Variants in WWOX observed in about 807,000 individuals in gnomAD.
The protein encoded by WWOX is WW domain containing oxidoreductase, also known as WW domain-containing oxidoreductase.
WWOX carries 69 observed loss-of-function variants against 46.2 expected under a neutral mutation model. That is an observed-to-expected ratio of 1.49 (90% CI 1.23 to 1.82). WWOX has a LOEUF of 1.82. Ranked by LOEUF, WWOX falls within the 40% of genes most tolerant of loss-of-function variation. The probability of loss-of-function intolerance (pLI) is 0.00; values close to 1 mark genes in which losing one functional copy is unlikely to be tolerated. For missense variants in WWOX, 919 were observed against 542.6 expected (o/e 1.69, Z -6.89); for synonymous variants, 359 against 202.6 (o/e 1.77, Z -6.56).
intron 5 of WWOX, among the ~76,000 whole-genome samples, chr16:78,355,997 CT>C (rs1430105265): frequency 6.9e-6 from 1 of 144,814 alleles, no homozygotes; most frequent in Non-Finnish European, 1.5e-5. Flanking sequence ...TAATTCACAA[CT>C]TCTTAAGCTA....
chr16:78,104,714 C>A (rs552048834), intron 1 of WWOX, among the ~76,000 whole-genome samples: 45 of 152,192 alleles, frequency 3.0e-4, no homozygotes, highest in African/African-American at 1.1e-3. Context: ...CTAATTTTCT[C>A]TTCATTAAAA....
At chr16:78,766,692 G>C (rs1273463798) in intron 8 of WWOX, among the ~76,000 whole-genome samples, 2 of 152,168 alleles carry the variant, frequency 1.3e-5, no homozygotes, top group African/African-American at 4.8e-5. Flanking sequence ...AGACTTGTTT[G>C]AAAAAAGGGC....
chr16:78,761,948 A>C (rs906197537), intron 8 of WWOX, among the ~76,000 whole-genome samples: 3 of 152,172 alleles, frequency 2.0e-5, no homozygotes, highest in Non-Finnish European at 4.4e-5. Flanking sequence ...TACATAAGAC[A>C]AAGACCACCT....
At position 78,162,015 on chromosome 16, in the gene WWOX, C is replaced by G. The variant is rs147864100; in HGVS notation, c.410-2168C>G. 2.6e-3 allele frequency among the ~76,000 whole-genome samples: 391 copies of G among 152,194 alleles called. 1 individual carries two copies. The highest frequency in any genetic ancestry group is 9.1e-3 in the African/African-American group (378 of 41,530). On this transcript the variant is annotated intron_variant, in intron 4 of 8. Transcript: ENST00000566780. ...ATTTGGATCTTAACATGTCGTTACC[C>G]TTTATGTTGCTCTTTGTTACTTTCT...
chr16:78,643,826 CA>C (rs5818156), intron 8 of WWOX, among the ~76,000 whole-genome samples: 84 of 138,550 alleles, frequency 6.1e-4, no homozygotes, highest in African/African-American at 5.9e-4. Flanking sequence ...CCCCTAACTC[CA>C]AAAAAAAAAA....
At chr16:78,969,443 G>C (rs2046428035) in intron 8 of WWOX, among the ~76,000 whole-genome samples, 1 of 151,872 alleles carries the variant, frequency 6.6e-6, no homozygotes, top group South Asian at 2.1e-4. Flanking sequence ...AGCTAATTTT[G>C]TATTTCTAGT....
At chr16:78,523,837 A>AGG (rs2151502001) in intron 8 of WWOX, among the ~76,000 whole-genome samples, 1 of 152,322 alleles carries the variant, frequency 6.6e-6, no homozygotes, top group African/African-American at 2.4e-5. Flanking sequence ...CCAGGCTCTC[A>AGG]GGGGAGGCCC....
At chr16:78,889,922 A>G (rs1268163337) in intron 8 of WWOX, among the ~76,000 whole-genome samples, 1 of 152,126 alleles carries the variant, frequency 6.6e-6, no homozygotes, top group African/African-American at 2.4e-5. Context: ...AGTCACCCAA[A>G]TTGTTGGTAT....
intron 5 of WWOX, among the ~76,000 whole-genome samples, chr16:78,181,635 TC>T (rs2035535649): frequency 6.6e-6 from 1 of 152,184 alleles, no homozygotes; most frequent in African/African-American, 2.4e-5. Context: ...GACGAAATTT[TC>T]TAATTGACTG....
In WWOX at chr16:78,828,998, C is replaced by G. The variant is rs78105461; in HGVS notation, c.1057-382610C>G. Among the ~76,000 whole-genome samples the G allele has an allele frequency of 3.7e-3, 562 of 152,270 alleles. 3 individuals carry two copies. The highest frequency in any genetic ancestry group is 0.012 in the African/African-American group (519 of 41,554). On this transcript the variant is annotated intron_variant, in intron 8 of 8. Transcript: ENST00000566780. ...ATGAATGGCAAAGCTAGGATTTAAA[C>G]CCTTGGACTTCTTCTCCTTGCCATT... is the stretch of plus-strand genomic sequence containing the variant.
chr16:78,930,098 C>G (rs778227839), intron 8 of WWOX, among the ~76,000 whole-genome samples: 3 of 152,038 alleles, frequency 2.0e-5, no homozygotes, highest in Non-Finnish European at 4.4e-5. Flanking sequence ...CTCCTCCTTC[C>G]CTTCCTGCCG....
At chr16:78,594,245 C>G (rs991674329) in intron 8 of WWOX, among the ~76,000 whole-genome samples, 3 of 152,006 alleles carry the variant, frequency 2.0e-5, no homozygotes, top group African/African-American at 4.8e-5. Flanking sequence ...GTGTGTGCAT[C>G]AATTCATATG....
rs184773837 is a variant in WWOX at position 78,432,694 on chromosome 16, G to A, written c.998G>A (p.Arg333His). The A allele has an allele frequency of 7.7e-5, 125 of 1,614,174 alleles. 1 individual carries two copies. In the African/African-American group the frequency reaches 1.1e-3, roughly 14 times the overall value. The change falls in exon 8 of 9, where the codon CGC (arginine) becomes CAC (histidine). Residue 333 changes from arginine (R) to histidine (H), a missense_variant. Coordinates refer to ENST00000566780, the MANE Select transcript of WWOX (RefSeq NM_016373.4). ...PGNMMYSNIH[R>H]SWWVYTLLFT... is the part of the protein sequence containing the mutation. Reference sequence around the variant, plus strand: ...AATATGATGTACTCCAACATTCATCGCAGCTGGTGGGTGTACACACTGCTG... The same window carrying A: ...AATATGATGTACTCCAACATTCATCACAGCTGGTGGGTGTACACACTGCTG...
chr16:78,775,009 G>C (rs1260460760), intron 8 of WWOX, among the ~76,000 whole-genome samples: 1 of 152,188 alleles, frequency 6.6e-6, no homozygotes, highest in East Asian at 1.9e-4. Context: ...AGGTAGGTAA[G>C]TTGGGCAGAT....
At chr16:78,874,170 C>T (rs1329732509) in intron 8 of WWOX, among the ~76,000 whole-genome samples, 1 of 151,044 alleles carries the variant, frequency 6.6e-6, no homozygotes, top group Non-Finnish European at 1.5e-5. Context: ...GCAGGAGAAT[C>T]GCTTGAACCC....
chr16:78,431,548 T>A lies in WWOX; in HGVS notation c.792-940T>A, dbSNP rs1424582243. 5.9e-5 allele frequency among the ~76,000 whole-genome samples: 9 copies of A among 152,190 alleles called. No homozygotes were observed. In the East Asian group the frequency reaches 1.3e-3, roughly 23 times the overall value. On this transcript the variant is annotated intron_variant, in intron 7 of 8. Transcript: ENST00000566780. ...CAGCAGCCCTTTATTCAAGACACTT[T>A]TCTGTTTAATTTAATTATCTTTGAA...
At chr16:78,720,306 G>A (rs1225290818) in intron 8 of WWOX, among the ~76,000 whole-genome samples, 1 of 145,296 alleles carries the variant, frequency 6.9e-6, no homozygotes, top group Admixed American at 6.7e-5. Flanking sequence ...CGGTTATATA[G>A]ATCTTTCTGA....
intron 8 of WWOX, among the ~76,000 whole-genome samples, chr16:79,082,277 T>A (rs987391122): frequency 6.6e-6 from 1 of 152,188 alleles, no homozygotes; most frequent in Non-Finnish European, 1.5e-5. Flanking sequence ...AAGAGTCAGA[T>A]GGACTTTGAT....
intron 8 of WWOX, among the ~76,000 whole-genome samples, chr16:78,918,010 T>A (rs2045291749): frequency 6.6e-6 from 1 of 152,132 alleles, no homozygotes; most frequent in South Asian, 2.1e-4. Flanking sequence ...GAAACCAGAC[T>A]GGGCAACACA....
Sources: gnomAD v4.1 joint callset for allele counts (sites outside exome capture counted in the v4.1 genomes callset) on GRCh38, gnomAD v4.1.1 for gene constraint, MANE v1.5 for transcripts, NCBI Gene and HGNC (gene_info 2026-07-23, HGNC 2026-07-21) for gene names.